The following TKT variants were observed in gnomAD, a reference collection of about 807,000 sequenced individuals.
The protein encoded by TKT is transketolase.
In TKT, 47 loss-of-function variants were observed where a neutral mutation model predicts 63.9. The observed-to-expected ratio is 0.74, with a 90% CI of 0.58 to 0.94. The LOEUF (loss-of-function observed/expected upper bound fraction) is 0.94. Ranked by LOEUF, TKT falls within the 40% of genes least tolerant of loss-of-function variation. The pLI is 0.00. For missense variants in TKT, 721 were observed against 846.2 expected (o/e 0.85, Z 1.84); for synonymous variants, 338 against 334.1 (o/e 1.01, Z -0.13).
rs1312554967 is a variant in TKT, at chr3:53,255,848, G to T, written c.95C>A (p.Ala32Glu). The change falls in exon 1 of 14, where the codon GCG becomes GAG. Residue 32 changes from alanine to glutamate, a missense_variant. Coordinates refer to ENST00000462138, the MANE Select transcript of TKT (RefSeq NM_001064.4). ...LRISSIQATT[A>E]AGSGHPTSCC... ...GCCGCGCACTCACCCAGAGCCCGCC[G>T]CAGTGGTGGCCTGGATGGAGCTGAT... The T allele has an allele frequency of 1.8e-5, 27 of 1,531,702 alleles. No homozygotes were observed. Among genetic ancestry groups the T allele is most frequent in the Non-Finnish European group, 1.6e-5 (18 of 1,138,954 alleles). The allele number at this position is 1,531,702 out of a possible 1,614,324, so 94.9% of individuals were successfully genotyped here.
intron 1 of TKT, among the ~76,000 whole-genome samples, chr3:53,254,513 ACTT>A (rs782484309): frequency 6.6e-6 from 1 of 152,248 alleles, no homozygotes; most frequent in Non-Finnish European, 1.5e-5. Context: ...GAACAGATTT[ACTT>A]CTTAATAATA....
At chr3:53,247,123 G>C (rs1315380024) in intron 1 of TKT, among the ~76,000 whole-genome samples, 1 of 151,556 alleles carries the variant, frequency 6.6e-6, no homozygotes, top group Non-Finnish European at 1.5e-5. Context: ...TTGGGAGACA[G>C]AGACAGGTGG....
chr3:53,232,848 C>T (rs1320112829), intron 6 of TKT: 6 of 419,352 alleles, frequency 1.4e-5, no homozygotes, highest in South Asian at 1.2e-4. Context: ...CTCTGAAAGG[C>T]ACCAGCCAGG....
At position 53,228,998 on chromosome 3, in the gene TKT, G is replaced by A; in HGVS notation, c.1395+9C>T. ...TGCCAGCAGGAGAAAGAACAGCCATGCAACCTACCTTTGTATTGGCGGCTA... is the reference window on the plus strand; with the variant it reads ...TGCCAGCAGGAGAAAGAACAGCCATACAACCTACCTTTGTATTGGCGGCTA... On this transcript the variant is annotated intron_variant, in intron 10 of 13. Coordinates refer to ENST00000462138, the MANE Select transcript of TKT (RefSeq NM_001064.4). 6.2e-7 allele frequency: 1 copy of A among 1,614,034 alleles called. No individual in the cohort carries two copies. The highest frequency in any genetic ancestry group is 8.5e-7 in the Non-Finnish European group (1 of 1,179,990).
chr3:53,248,357 G>T (rs1325862165), intron 1 of TKT, among the ~76,000 whole-genome samples: 1 of 152,200 alleles, frequency 6.6e-6, no homozygotes, highest in Non-Finnish European at 1.5e-5. Flanking sequence ...AGAAATGAAG[G>T]GCTGGGCGTG....
intron 1 of TKT, among the ~76,000 whole-genome samples, chr3:53,251,283 G>A (rs1040843443): frequency 9.2e-5 from 14 of 152,232 alleles, no homozygotes; most frequent in Admixed American, 5.2e-4. Flanking sequence ...GCACTGTTTG[G>A]ATAACACCAC....
At position 53,250,725 on chromosome 3, in the gene TKT, T is replaced by C. The variant is rs187463006; in HGVS notation, c.107+5111A>G. ...AGGCGGAGGCTGCAGTGAGCAGAGATCACGCCACAGCATTCTAGCCTGGGC... is the reference window on the plus strand; with the variant it reads ...AGGCGGAGGCTGCAGTGAGCAGAGACCACGCCACAGCATTCTAGCCTGGGC... On this transcript the variant is annotated intron_variant, in intron 1 of 13. Coordinates refer to ENST00000462138, the MANE Select transcript of TKT (RefSeq NM_001064.4). 6.1e-3 allele frequency among the ~76,000 whole-genome samples: 922 copies of C among 152,026 alleles called. 13 individuals are homozygous for C. The highest frequency in any genetic ancestry group is 0.021 in the African/African-American group (877 of 41,488).
chr3:53,226,682 T>C (rs537158932), intron 13 of TKT, 74 bp downstream of exon 13: 169 of 1,606,374 alleles, frequency 1.1e-4, no homozygotes, highest in Non-Finnish European at 1.2e-4. Flanking sequence ...GGGGCTCAGA[T>C]AGAAGAGGCA....
intron 1 of TKT, among the ~76,000 whole-genome samples, chr3:53,246,143 C>T (rs1553680841): frequency 6.6e-6 from 1 of 152,066 alleles, no homozygotes; most frequent in Non-Finnish European, 1.5e-5. Context: ...TGGCAGGCAC[C>T]CGTAATCCCA....
intron 1 of TKT, among the ~76,000 whole-genome samples, chr3:53,252,236 G>A (rs1055700553): frequency 2.6e-5 from 4 of 152,224 alleles, no homozygotes; most frequent in African/African-American, 9.7e-5. Context: ...AGCCCAGATT[G>A]GGCCAGGGCT....
chr3:53,249,643 C>T (rs782000980), intron 1 of TKT, among the ~76,000 whole-genome samples: 2 of 152,126 alleles, frequency 1.3e-5, no homozygotes, highest in East Asian at 1.9e-4. Flanking sequence ...AGTTCTTGGG[C>T]GTCCACACTT....
chr3:53,254,287 A>C (rs1490062656), intron 1 of TKT, among the ~76,000 whole-genome samples: 1 of 152,224 alleles, frequency 6.6e-6, no homozygotes, highest in African/African-American at 2.4e-5. Context: ...ACCGTGTGCC[A>C]GGCTGGTGAA....
At chr3:53,227,241 T>G (rs1050919929) in intron 12 of TKT, 2 of 188,388 alleles carry the variant, frequency 1.1e-5, no homozygotes, top group Admixed American at 5.5e-5. Flanking sequence ...TGTGGTGACG[T>G]TGGGGAGCTG....
At chr3:53,247,271 CG>C (rs1705554200) in intron 1 of TKT, among the ~76,000 whole-genome samples, 1 of 147,510 alleles carries the variant, frequency 6.8e-6, no homozygotes, top group African/African-American at 2.5e-5. Flanking sequence ...GCAGGAGAAT[CG>C]CTTGAACCTG....
upstream of TKT, chr3:53,256,022 G>GGCCGGGC (rs1705983353): frequency 4.2e-6 from 4 of 951,442 alleles, no homozygotes; most frequent in South Asian, 1.2e-4. Flanking sequence ...CGGCTGCCGA[G>GGCCGGGC]GCCGGGCGCG....
intron 8 of TKT, 48 bp from the exon 9 acceptor site, chr3:53,229,484 G>A: frequency 6.4e-7 from 1 of 1,563,204 alleles, no homozygotes; most frequent in Non-Finnish European, 8.7e-7. Context: ...GGCAGAGGGT[G>A]GTCGGGGAGC....
intron 8 of TKT, 65 bp downstream of exon 8, chr3:53,230,392 C>T: frequency 1.9e-6 from 3 of 1,602,504 alleles, no homozygotes; most frequent in Non-Finnish European, 2.6e-6. Context: ...CATGGCTGCC[C>T]CGCACCCCTC....
intron 4 of TKT, among the ~76,000 whole-genome samples, chr3:53,236,897 C>CCTGAG (rs1705056851): frequency 6.6e-6 from 1 of 152,294 alleles, no homozygotes; most frequent in East Asian, 1.9e-4. Flanking sequence ...CTTGGTATTG[C>CCTGAG]CTGAGCTGTT....
intron 1 of TKT, 46 bp from the exon 2 acceptor site, chr3:53,242,288 C>T: frequency 6.3e-7 from 1 of 1,575,764 alleles, no homozygotes; most frequent in East Asian, 2.2e-5. Context: ...TGGCCCTGCA[C>T]TCCTGAGCTA....
Sources: gnomAD v4.1 joint callset for allele counts (sites outside exome capture counted in the v4.1 genomes callset) on GRCh38, gnomAD v4.1.1 for gene constraint, MANE v1.5 for transcripts, NCBI Gene and HGNC (gene_info 2026-07-23, HGNC 2026-07-21) for gene names.